SORCS1: variants seen among roughly 807,000 people sequenced by gnomAD.
The protein encoded by SORCS1 is VPS10 domain-containing receptor SorCS1.
SORCS1 carries 60 observed loss-of-function variants against 146.1 expected under a neutral mutation model. The ratio of observed to expected loss-of-function variants is 0.41; its 90% CI spans 0.33 to 0.51. SORCS1 has a LOEUF of 0.51. Ranked by LOEUF, SORCS1 falls within the 20% of genes least tolerant of loss-of-function variation. The pLI, the probability that SORCS1 is intolerant of heterozygous loss-of-function variation, is 0.21. For synonymous variants in SORCS1, 637 were observed against 584.0 expected (o/e 1.09, Z -1.31); for missense variants, 1,352 against 1,487.6 (o/e 0.91, Z 1.50).
At chr10:106,718,556 A>G (rs543586043) in intron 6 of SORCS1, among the ~76,000 whole-genome samples, 32 of 152,350 alleles carry the variant, frequency 2.1e-4, no homozygotes, top group Non-Finnish European at 4.4e-4. Flanking sequence ...ATGCAGACCC[A>G]AAGAGTGAGC....
intron 6 of SORCS1, among the ~76,000 whole-genome samples, chr10:106,729,431 T>A (rs1029900694): frequency 1.4e-5 from 2 of 144,158 alleles, no homozygotes; most frequent in African/African-American, 5.3e-5. Context: ...CACAGAAAAA[T>A]TCTCTCTCTC....
At chr10:107,144,177 C>T (rs1968097715) in intron 1 of SORCS1, among the ~76,000 whole-genome samples, 1 of 152,138 alleles carries the variant, frequency 6.6e-6, no homozygotes, top group South Asian at 2.1e-4. Context: ...ATATCTTCTT[C>T]AAAACCTTTG....
intron 1 of SORCS1, among the ~76,000 whole-genome samples, chr10:107,048,503 G>A (rs980837300): frequency 2.6e-5 from 4 of 152,128 alleles, no homozygotes; most frequent in Non-Finnish European, 4.4e-5. Flanking sequence ...CATTCACTGC[G>A]GTAGCCCCAA....
At chr10:106,690,941 T>C (rs1245606111) in intron 9 of SORCS1, among the ~76,000 whole-genome samples, 2 of 152,152 alleles carry the variant, frequency 1.3e-5, no homozygotes, top group African/African-American at 4.8e-5. Context: ...GGTCTCATCC[T>C]ACGTTTCTTG....
At chr10:106,759,794 C>T (rs564282578) in intron 5 of SORCS1, among the ~76,000 whole-genome samples, 200 of 152,196 alleles carry the variant, frequency 1.3e-3, no homozygotes, top group Admixed American at 2.7e-3. Flanking sequence ...CACAGATTCC[C>T]GCTAACATAT....
At chr10:106,609,066 T>A (rs1005004830) in intron 22 of SORCS1, among the ~76,000 whole-genome samples, 1 of 152,116 alleles carries the variant, frequency 6.6e-6, no homozygotes, top group Non-Finnish European at 1.5e-5. Flanking sequence ...CAATTTCCAC[T>A]CCAGGAAAGA....
rs566149680 is a variant in SORCS1 at position 107,024,201 on chromosome 10, A to G, written c.559-67621T>C. 1.1e-4 allele frequency among the ~76,000 whole-genome samples: 17 copies of G among 148,450 alleles called. No individual in the cohort carries two copies. In the South Asian group the frequency reaches 1.9e-3, roughly 17 times the overall value. ...AAAAAAAAAAAAAAAAAAGAAGAAG[A>G]GAGGTTTATTTGGCCCCTGGTTCTG... On this transcript the variant is annotated intron_variant, in intron 1 of 25. Coordinates refer to ENST00000263054, the MANE Select transcript of SORCS1 (RefSeq NM_052918.5).
chr10:106,940,899 A>G (rs1237009207), intron 2 of SORCS1, among the ~76,000 whole-genome samples: 1 of 151,978 alleles, frequency 6.6e-6, no homozygotes, highest in Non-Finnish European at 1.5e-5. Context: ...AATAATAATA[A>G]AAAAAATTAT....
chr10:106,693,001 G>A (rs1343739243), intron 9 of SORCS1, among the ~76,000 whole-genome samples: 1 of 151,832 alleles, frequency 6.6e-6, no homozygotes, highest in Non-Finnish European at 1.5e-5. Flanking sequence ...ACTGTTTAAT[G>A]CACAAAATTA....
chr10:106,890,029 G>A (rs966374082), intron 2 of SORCS1, among the ~76,000 whole-genome samples: 7 of 151,876 alleles, frequency 4.6e-5, no homozygotes, highest in Non-Finnish European at 8.8e-5. Context: ...AACAACCTAA[G>A]GGTAAATTAT....
At chr10:107,033,284 A>G (rs1958750579) in intron 1 of SORCS1, among the ~76,000 whole-genome samples, 3 of 152,004 alleles carry the variant, frequency 2.0e-5, no homozygotes. Context: ...CCCATGATCC[A>G]ATCACCTCCC....
At chr10:106,908,023 T>C (rs1951987068) in intron 2 of SORCS1, among the ~76,000 whole-genome samples, 1 of 152,238 alleles carries the variant, frequency 6.6e-6, no homozygotes. Context: ...ATCCATCATT[T>C]GTCACTCAGC....
chr10:107,090,770 G>C (rs1412237286), intron 1 of SORCS1, among the ~76,000 whole-genome samples: 12 of 152,300 alleles, frequency 7.9e-5, no homozygotes. Context: ...TTGATAAGCA[G>C]ATTTCTGAAA....
At chr10:106,894,263 ACGTGTG>A (rs1350729335) in intron 2 of SORCS1, among the ~76,000 whole-genome samples, 12 of 111,428 alleles carry the variant, frequency 1.1e-4, no homozygotes, top group African/African-American at 3.1e-4. Context: ...GCGCGCGCGC[ACGTGTG>A]CGTGTGTGTG....
At chr10:106,801,585 G>A (rs547072278) in intron 3 of SORCS1, among the ~76,000 whole-genome samples, 4 of 144,818 alleles carry the variant, frequency 2.8e-5, no homozygotes, top group Non-Finnish European at 5.9e-5. Context: ...CTGGAGTGCA[G>A]TGGTGGGATC....
chr10:107,062,695 T>A (rs1420503463), intron 1 of SORCS1, among the ~76,000 whole-genome samples: 1 of 152,128 alleles, frequency 6.6e-6, no homozygotes, highest in South Asian at 2.1e-4. Flanking sequence ...GTGATCCGAT[T>A]TGCAAAGCAC....
chr10:107,090,498 G>T (rs1164611871), intron 1 of SORCS1, among the ~76,000 whole-genome samples: 1 of 152,140 alleles, frequency 6.6e-6, no homozygotes, highest in Non-Finnish European at 1.5e-5. Context: ...TAGTACTAAT[G>T]ATGACAATTA....
intron 17 of SORCS1, among the ~76,000 whole-genome samples, chr10:106,663,351 T>C (rs796788843): frequency 3.8e-4 from 58 of 152,320 alleles, no homozygotes; most frequent in African/African-American, 1.3e-3. Flanking sequence ...TTGGGACAAG[T>C]ATTTACTAGC....
At chr10:106,905,614 G>C (rs964566851) in intron 2 of SORCS1, among the ~76,000 whole-genome samples, 2 of 152,080 alleles carry the variant, frequency 1.3e-5, no homozygotes, top group Admixed American at 6.6e-5. Flanking sequence ...AATTAAAATA[G>C]TTATAATAGA....
Sources: gnomAD v4.1 joint callset for allele counts (sites outside exome capture counted in the v4.1 genomes callset) on GRCh38, gnomAD v4.1.1 for gene constraint, MANE v1.5 for transcripts, NCBI Gene and HGNC (gene_info 2026-07-23, HGNC 2026-07-21) for gene names.